Variants in PEX13 observed in about 807,000 individuals in gnomAD.
The protein encoded by PEX13 is peroxisome biogenesis factor 13.
A neutral mutation model predicts 34.5 loss-of-function variants in PEX13; 28 were observed. The observed-to-expected ratio is 0.81, with a 90% CI of 0.60 to 1.11. The LOEUF (loss-of-function observed/expected upper bound fraction) is 1.11, where lower values mean the gene tolerates loss of function less well. PEX13 is among the 50% of genes most tolerant of loss of function. PEX13 has a pLI of 0.00. For missense variants in PEX13, 550 were observed against 491.0 expected (o/e 1.12, Z -1.13); for synonymous variants, 177 against 175.1 (o/e 1.01, Z -0.09).
Position 61,048,603 on chromosome 2 carries a change from T to C in PEX13, c.1045T>C (p.Ser349Pro), listed in dbSNP as rs747286284. 7 of 1,614,036 alleles carry C rather than the reference T, an allele frequency of 4.3e-6. No individual in the cohort carries two copies. In the African/African-American group the frequency reaches 8.0e-5, roughly 18 times the overall value. ...GRKTVESSKV[S>P]KQQQSFTNPT... is the part of the protein sequence containing the mutation. ...GAAAACGGTGGAATCAAGTAAAGTTTCCAAGCAGCAACAATCTTTTACCAA... is the reference window on the plus strand; with the variant it reads ...GAAAACGGTGGAATCAAGTAAAGTTCCCAAGCAGCAACAATCTTTTACCAA... Residue 349 changes from serine (S) to proline (P), a missense_variant, in exon 4 of 4, where the codon TCC becomes CCC. Physicochemically the swap from Ser to Pro is moderately conservative, Grantham distance 74. Coordinates refer to ENST00000295030, the MANE Select transcript of PEX13 (RefSeq NM_002618.4).
chr2:61,018,001 C>A, intron 1 of PEX13, 150 bp downstream of exon 1: 1 of 1,329,556 alleles, frequency 7.5e-7, no homozygotes, highest in Non-Finnish European at 1.0e-6. Flanking sequence ...GGAGCTGGGG[C>A]GCTTACCAGT....
intron 2 of PEX13, among the ~76,000 whole-genome samples, chr2:61,034,387 A>G (rs1287627002): frequency 2.6e-5 from 4 of 152,216 alleles, no homozygotes; most frequent in Admixed American, 2.6e-4. Context: ...TCCCAGCAAG[A>G]TCGACGCAGA....
chr2:61,027,146 A>C (rs1233165910), intron 1 of PEX13, among the ~76,000 whole-genome samples: 1 of 151,178 alleles, frequency 6.6e-6, no homozygotes, highest in East Asian at 1.9e-4. Flanking sequence ...AGATGTAGCG[A>C]GAACCCATTT....
chr2:61,021,702 G>A (rs1680267056), intron 1 of PEX13, among the ~76,000 whole-genome samples: 1 of 152,220 alleles, frequency 6.6e-6, no homozygotes, highest in Admixed American at 6.5e-5. Context: ...TCTGAGAACG[G>A]ACAGACGGCC....
rs1220647177 is a variant in PEX13 at position 61,050,098 on chromosome 2, A to T, written c.*1328A>T. The T allele has an allele frequency of 6.6e-6, 1 of 152,260 alleles. No homozygotes were observed. The highest frequency in any genetic ancestry group is 1.5e-5 in the Non-Finnish European group (1 of 68,022). 9.4% of individuals were successfully genotyped at this position (152,260 alleles called of 1,614,324 possible). Reference sequence around the variant, plus strand: ...TCTTAGTGCTCTATTGCCATTTAGAATATGATAATCCTCATGCCTTTAATC... The same window carrying T: ...TCTTAGTGCTCTATTGCCATTTAGATTATGATAATCCTCATGCCTTTAATC... On this transcript the variant is annotated 3_prime_UTR_variant, in exon 4 of 4. Transcript: ENST00000295030.
intron 2 of PEX13, among the ~76,000 whole-genome samples, chr2:61,044,728 G>A (rs1010161823): frequency 1.3e-5 from 2 of 152,182 alleles, no homozygotes; most frequent in Non-Finnish European, 2.9e-5. Flanking sequence ...AAGCAGAACA[G>A]TGCTTATATG....
At chr2:61,022,281 A>G (rs1323957380) in intron 1 of PEX13, among the ~76,000 whole-genome samples, 1 of 152,210 alleles carries the variant, frequency 6.6e-6, no homozygotes, top group Non-Finnish European at 1.5e-5. Context: ...AAAAACCTTG[A>G]AAAAAGGTTA....
chr2:61,026,311 G>A (rs918324478), intron 1 of PEX13, among the ~76,000 whole-genome samples: 11 of 151,346 alleles, frequency 7.3e-5, no homozygotes, highest in African/African-American at 2.7e-4. Context: ...GTTGAAAAAC[G>A]GTTCCAGTGG....
rs1230492316 is a variant in PEX13, at chr2:61,017,788, A to G, written c.29A>G (p.Lys10Arg). The change falls in exon 1 of 4, where the codon AAA becomes AGA. Residue 10 changes from lysine to arginine, a missense_variant. Coordinates refer to ENST00000295030, the MANE Select transcript of PEX13 (RefSeq NM_002618.4). MASQPPPPP[K>R]PWETRRIPGA... ...GCGTCCCAGCCGCCACCTCCCCCCA[A>G]ACCCTGGGAGACCCGCCGAATTCCG... 2.6e-6 allele frequency: 4 copies of G among 1,550,394 alleles called. No individual in the cohort carries two copies. The South Asian group carries it at 3.6e-5, about 14-fold the overall frequency.
chr2:61,018,737 C>T (rs918171089), intron 1 of PEX13: 1 of 152,930 alleles, frequency 6.5e-6, no homozygotes, highest in South Asian at 2.0e-4. Flanking sequence ...AACACAGTAA[C>T]GACTTAGTTT....
chr2:61,025,421 C>G (rs1031370650), intron 1 of PEX13, among the ~76,000 whole-genome samples: 3 of 151,814 alleles, frequency 2.0e-5, no homozygotes, highest in Non-Finnish European at 2.9e-5. Flanking sequence ...TGCAGTGGTA[C>G]AATCTCGGCT....
At position 61,051,397 on chromosome 2, in the gene PEX13, C is replaced by A. The variant is rs1340432287; in HGVS notation, c.*2627C>A. 6.6e-6 allele frequency: 1 copy of A among 152,290 alleles called. No individual in the cohort carries two copies. Among genetic ancestry groups the A allele is most frequent in the Non-Finnish European group, 1.5e-5 (1 of 68,022 alleles). 9.4% of individuals were successfully genotyped at this position (152,290 alleles called of 1,614,324 possible). ...AAGATGTATAGGGAGAAGAGTACAG[C>A]ACAAAGTGATAAAATAGTGACACTT... On this transcript the variant is annotated 3_prime_UTR_variant, in exon 4 of 4. Coordinates refer to ENST00000295030, the MANE Select transcript of PEX13 (RefSeq NM_002618.4).
chr2:61,048,366 C>G (rs1035986938), intron 3 of PEX13, 106 bp from the exon 4 acceptor site: 5 of 885,592 alleles, frequency 5.6e-6, no homozygotes, highest in African/African-American at 4.9e-5. Context: ...TTGTTATCTA[C>G]TATGTAAGCA....
chr2:61,017,952 C>CT, intron 1 of PEX13, 101 bp downstream of exon 1: 1 of 1,379,346 alleles, frequency 7.2e-7, no homozygotes, highest in Non-Finnish European at 1.0e-6. Context: ...CCCTTCCCCC[C>CT]TTTAACCAAT....
At chr2:61,029,699 C>T (rs1169183646) in intron 1 of PEX13, among the ~76,000 whole-genome samples, 1 of 151,958 alleles carries the variant, frequency 6.6e-6, no homozygotes, top group Non-Finnish European at 1.5e-5. Flanking sequence ...GTTATCCTGA[C>T]ATTTTGGGAG....
intron 2 of PEX13, among the ~76,000 whole-genome samples, chr2:61,045,405 A>C (rs1052223335): frequency 6.6e-6 from 1 of 152,198 alleles, no homozygotes; most frequent in African/African-American, 2.4e-5. Flanking sequence ...TTTTTATAAA[A>C]GTAATTGCCC....
At chr2:61,027,160 C>CA (rs969078196) in intron 1 of PEX13, among the ~76,000 whole-genome samples, 1 of 127,914 alleles carries the variant, frequency 7.8e-6, no homozygotes, top group Non-Finnish European at 1.7e-5. Context: ...CCCATTTCTA[C>CA]AAAAAATATC....
At chr2:61,041,853 A>G (rs368685974) in intron 2 of PEX13, among the ~76,000 whole-genome samples, 2 of 152,216 alleles carry the variant, frequency 1.3e-5, no homozygotes, top group East Asian at 3.8e-4. Flanking sequence ...AGAAGCTACT[A>G]TAGGAAGTAA....
chr2:61,021,077 C>G (rs1413151995), intron 1 of PEX13, among the ~76,000 whole-genome samples: 1 of 152,182 alleles, frequency 6.6e-6, no homozygotes, highest in African/African-American at 2.4e-5. Flanking sequence ...AGGAACAGCT[C>G]TGGTCTGCAG....
Sources: gnomAD v4.1 joint callset for allele counts (sites outside exome capture counted in the v4.1 genomes callset) on GRCh38, gnomAD v4.1.1 for gene constraint, MANE v1.5 for transcripts, NCBI Gene and HGNC (gene_info 2026-07-23, HGNC 2026-07-21) for gene names.